The following PTPRM variants were observed in gnomAD, a reference collection of about 807,000 sequenced individuals.
The protein encoded by PTPRM is receptor-type tyrosine-protein phosphatase mu.
PTPRM carries 47 observed loss-of-function variants against 186.7 expected under a neutral mutation model. That is an observed-to-expected ratio of 0.25 (90% CI 0.20 to 0.32). PTPRM has a LOEUF of 0.32. Among genes scored for constraint, PTPRM ranks in the 10% least tolerant of loss-of-function variants. The probability of loss-of-function intolerance (pLI) is 1.00; values close to 1 mark genes in which losing one functional copy is unlikely to be tolerated. For synonymous variants in PTPRM, 668 were observed against 674.9 expected, an observed-to-expected ratio of 0.99 and a Z score of 0.16; for missense variants, 1,494 against 1,865.0, an observed-to-expected ratio of 0.80 and a Z score of 3.66.
chr18:8,009,670 T>TGCACTCCA (rs1220697760), intron 7 of PTPRM, among the ~76,000 whole-genome samples: 1 of 151,850 alleles, frequency 6.6e-6, no homozygotes, highest in Non-Finnish European at 1.5e-5. Flanking sequence ...ATCGCACCAC[T>TGCACTCCA]GCACTCCAGC....
At chr18:8,337,553 A>G (rs947077182) in intron 22 of PTPRM, among the ~76,000 whole-genome samples, 1 of 152,240 alleles carries the variant, frequency 6.6e-6, no homozygotes, top group African/African-American at 2.4e-5. Flanking sequence ...GGACAGTGGT[A>G]TAAACGAACA....
intron 7 of PTPRM, among the ~76,000 whole-genome samples, chr18:7,990,092 T>C (rs1046509298): frequency 2.0e-5 from 3 of 152,016 alleles, no homozygotes; most frequent in African/African-American, 7.2e-5. Flanking sequence ...TTAGTTGAGA[T>C]AGAGTTTCAC....
At chr18:7,950,024 A>G (rs2052830608) in intron 6 of PTPRM, among the ~76,000 whole-genome samples, 1 of 152,152 alleles carries the variant, frequency 6.6e-6, no homozygotes, top group African/African-American at 2.4e-5. Context: ...GAGGTGTACC[A>G]TGAGGCATTT....
chr18:7,877,442 T>G (rs1369810535), intron 2 of PTPRM, among the ~76,000 whole-genome samples: 4 of 152,174 alleles, frequency 2.6e-5, no homozygotes, highest in Non-Finnish European at 4.4e-5. Context: ...TGTAAGAAAT[T>G]TCCTTGAAGT....
intron 11 of PTPRM, among the ~76,000 whole-genome samples, chr18:8,109,743 A>G (rs1056393087): frequency 3.3e-5 from 5 of 152,218 alleles, no homozygotes; most frequent in African/African-American, 9.6e-5. Flanking sequence ...TAGGCACTCA[A>G]AAAAATTTGT....
At chr18:7,710,494 G>A (rs2040189109) in intron 1 of PTPRM, among the ~76,000 whole-genome samples, 1 of 152,172 alleles carries the variant, frequency 6.6e-6, no homozygotes, top group Admixed American at 6.5e-5. Context: ...CACAAGACAA[G>A]ATGCCCACTT....
chr18:7,890,028 G>A (rs2048989107), intron 3 of PTPRM, among the ~76,000 whole-genome samples: 1 of 152,238 alleles, frequency 6.6e-6, no homozygotes, highest in African/African-American at 2.4e-5. Context: ...TGTGACACAA[G>A]AGCATCCTAA....
intron 19 of PTPRM, among the ~76,000 whole-genome samples, chr18:8,277,044 C>G (rs749656030): frequency 2.0e-4 from 30 of 151,640 alleles, no homozygotes; most frequent in Non-Finnish European, 4.1e-4. Flanking sequence ...TCAATTGATT[C>G]TCCTGCCTCA....
chr18:7,605,419 T>TCCCC lies in PTPRM; in HGVS notation c.73+37534_73+37537dup, dbSNP rs10654388. On this transcript the variant is annotated intron_variant, in intron 1 of 32. Transcript: ENST00000580170. ...TTCTTTTAAGAAATCAGCAAAAATG[T>TCCCC]CCCCCCCCCACTTCCGTTCTAGTAC... Among the ~76,000 whole-genome samples, 773 of 149,620 alleles carry TCCCC rather than the reference T, an allele frequency of 5.2e-3. 8 individuals carry two copies. The highest frequency in any genetic ancestry group is 0.018 in the African/African-American group (733 of 40,240).
At chr18:7,891,062 G>T (rs1480111305) in intron 3 of PTPRM, among the ~76,000 whole-genome samples, 1 of 151,624 alleles carries the variant, frequency 6.6e-6, no homozygotes, top group East Asian at 1.9e-4. Context: ...GGATCACCTG[G>T]GTCCAGGAGT....
At chr18:7,769,771 G>A (rs186214745) in intron 1 of PTPRM, among the ~76,000 whole-genome samples, 5 of 152,204 alleles carry the variant, frequency 3.3e-5, no homozygotes, top group Admixed American at 1.3e-4. Flanking sequence ...ATCCATTGAC[G>A]CTTCTTTTTG....
intron 2 of PTPRM, among the ~76,000 whole-genome samples, chr18:7,796,657 G>A (rs2043669594): frequency 6.6e-6 from 1 of 152,190 alleles, no homozygotes; most frequent in African/African-American, 2.4e-5. Flanking sequence ...CAGACTTAGA[G>A]CAGTGGAGTC....
intron 1 of PTPRM, among the ~76,000 whole-genome samples, chr18:7,610,062 G>T (rs2037634300): frequency 6.6e-6 from 1 of 152,162 alleles, no homozygotes; most frequent in Non-Finnish European, 1.5e-5. Flanking sequence ...GATAAAGTGG[G>T]ATAGGAAAGA....
intron 4 of PTPRM, among the ~76,000 whole-genome samples, chr18:7,924,957 A>T (rs2051083857): frequency 6.6e-6 from 1 of 152,182 alleles, no homozygotes; most frequent in African/African-American, 2.4e-5. Flanking sequence ...TCTTTTTCTT[A>T]CACTTACTAG....
chr18:7,942,933 C>T (rs777497791), intron 5 of PTPRM, among the ~76,000 whole-genome samples: 10 of 152,130 alleles, frequency 6.6e-5, no homozygotes, highest in African/African-American at 2.4e-4. Flanking sequence ...GTTGCTCTTG[C>T]ACCTGACACA....
At chr18:8,137,600 T>A (rs2092666900) in intron 13 of PTPRM, among the ~76,000 whole-genome samples, 1 of 152,134 alleles carries the variant, frequency 6.6e-6, no homozygotes, top group Admixed American at 6.5e-5. Context: ...GTTCCTTATT[T>A]ACTAAATTTA....
At chr18:8,022,508 T>C (rs1477996797) in intron 7 of PTPRM, among the ~76,000 whole-genome samples, 2 of 152,168 alleles carry the variant, frequency 1.3e-5, no homozygotes, top group Admixed American at 1.3e-4. Flanking sequence ...GGCACAGTTG[T>C]GAATCTGAAT....
intron 7 of PTPRM, among the ~76,000 whole-genome samples, chr18:8,038,081 T>C (rs1305495407): frequency 6.6e-6 from 1 of 152,202 alleles, no homozygotes; most frequent in Non-Finnish European, 1.5e-5. Flanking sequence ...ATTCAATTAT[T>C]ATTTATTGAA....
At chr18:8,300,525 T>C (rs1196515380) in intron 20 of PTPRM, among the ~76,000 whole-genome samples, 1 of 151,272 alleles carries the variant, frequency 6.6e-6, no homozygotes, top group Non-Finnish European at 1.5e-5. Flanking sequence ...AAAATCAGCA[T>C]GTTGAAGTCT....
Sources: gnomAD v4.1 joint callset for allele counts (sites outside exome capture counted in the v4.1 genomes callset) on GRCh38, gnomAD v4.1.1 for gene constraint, MANE v1.5 for transcripts, NCBI Gene and HGNC (gene_info 2026-07-23, HGNC 2026-07-21) for gene names.